Variants in NELL2 observed in about 807,000 individuals in gnomAD.
NELL2 encodes the protein neural EGFL like 2.
In NELL2, 41 loss-of-function variants were observed where a neutral mutation model predicts 109.6. The ratio of observed to expected loss-of-function variants is 0.37; its 90% CI spans 0.29 to 0.49. The LOEUF is 0.49. Among genes scored for constraint, NELL2 ranks in the 20% least tolerant of loss-of-function variants. NELL2 has a pLI of 0.98. For synonymous variants in NELL2, 355 were observed against 344.7 expected, an observed-to-expected ratio of 1.03 and a Z score of -0.33; for missense variants, 900 against 1,008.3, an observed-to-expected ratio of 0.89 and a Z score of 1.45.
intron 3 of NELL2, among the ~76,000 whole-genome samples, chr12:44,788,808 G>A (rs1753808667): frequency 6.6e-6 from 1 of 152,118 alleles, no homozygotes; most frequent in South Asian, 2.1e-4. Context: ...ACAGACTCGG[G>A]GCTGTTGGGG....
chr12:44,846,054 T>C (rs1401844165), intron 2 of NELL2, among the ~76,000 whole-genome samples: 1 of 152,176 alleles, frequency 6.6e-6, no homozygotes, highest in African/African-American at 2.4e-5. Flanking sequence ...ACTTGGAACA[T>C]TTACACCAGG....
chr12:44,670,785 A>G, intron 12 of NELL2, among the ~76,000 whole-genome samples: 1 of 152,086 alleles, frequency 6.6e-6, no homozygotes, highest in East Asian at 1.9e-4. Context: ...CTAACACAAG[A>G]GCACCCAGTT....
At chr12:44,771,171 C>A (rs1316901554) in intron 9 of NELL2, among the ~76,000 whole-genome samples, 3 of 151,940 alleles carry the variant, frequency 2.0e-5, no homozygotes, top group African/African-American at 7.3e-5. Flanking sequence ...TAGTTGAGAG[C>A]CTGAGACCGG....
Position 44,607,248 on chromosome 12 carries a change from G to A in NELL2, c.1584C>T (p.Gly528=), listed in dbSNP as rs1189433055. 2 of 1,611,900 alleles carry A rather than the reference G, an allele frequency of 1.2e-6. No individual in the cohort carries two copies. Among genetic ancestry groups the A allele is most frequent in the Admixed American group, 1.7e-5 (1 of 59,716 alleles). The part of the protein sequence containing the change: ...GTTCKAFCKD[G]CRNGGACIAA... ...CAATACAGGCTCCTCCATTCCTACA[G>A]CCATCTTTGCAAAATGCTAAAATAA... Residue 528 remains glycine, a synonymous_variant, in exon 15 of 20, where the codon GGC becomes GGT. Coordinates refer to ENST00000429094, the MANE Select transcript of NELL2 (RefSeq NM_001145108.2).
At chr12:44,623,033 T>G (rs192645972) in intron 13 of NELL2, among the ~76,000 whole-genome samples, 20 of 152,296 alleles carry the variant, frequency 1.3e-4, no homozygotes, top group Admixed American at 1.2e-3. Flanking sequence ...GCTAATATCT[T>G]TAAAGGTCTT....
At chr12:44,901,274 C>T (rs1467354573) in intron 1 of NELL2, among the ~76,000 whole-genome samples, 3 of 152,304 alleles carry the variant, frequency 2.0e-5, no homozygotes, top group Middle Eastern at 6.8e-3. Context: ...ATAAATACAT[C>T]TACACAAATA....
At chr12:44,600,407 T>G (rs1945175180) in intron 15 of NELL2, among the ~76,000 whole-genome samples, 1 of 151,658 alleles carries the variant, frequency 6.6e-6, no homozygotes, top group African/African-American at 2.4e-5. Flanking sequence ...ATGAAACAAA[T>G]AAGGGAGGAA....
chr12:44,901,562 A>C (rs1481710092), intron 1 of NELL2, among the ~76,000 whole-genome samples: 1 of 152,218 alleles, frequency 6.6e-6, no homozygotes, highest in Non-Finnish European at 1.5e-5. Context: ...GGCCAGCCTC[A>C]TCCTGGTACC....
chr12:44,544,396 C>T (rs1302264243), intron 15 of NELL2, among the ~76,000 whole-genome samples: 1 of 152,062 alleles, frequency 6.6e-6, no homozygotes, highest in East Asian at 1.9e-4. Flanking sequence ...GAGAATTAAA[C>T]CCTAACACAC....
At chr12:44,627,429 C>CA (rs200944318) in intron 13 of NELL2, among the ~76,000 whole-genome samples, 13,572 of 139,620 alleles carry the variant, frequency 0.097, 661 homozygotes, top group Non-Finnish European at 0.12. Flanking sequence ...GCAGATGTAC[C>CA]AAAAAAAAAA....
intron 15 of NELL2, among the ~76,000 whole-genome samples, chr12:44,603,696 C>T (rs557532281): frequency 7.9e-5 from 12 of 152,176 alleles, no homozygotes; most frequent in African/African-American, 2.9e-4. Flanking sequence ...TAATTTCGCT[C>T]AGTAAAAATC....
chr12:44,767,667 C>T (rs1297549378), intron 9 of NELL2, among the ~76,000 whole-genome samples: 5 of 152,024 alleles, frequency 3.3e-5, no homozygotes, highest in African/African-American at 7.2e-5. Flanking sequence ...AAATAATAAA[C>T]TATATAGTGG....
intron 9 of NELL2, among the ~76,000 whole-genome samples, chr12:44,761,300 G>C (rs922634974): frequency 6.6e-6 from 1 of 152,138 alleles, no homozygotes; most frequent in Non-Finnish European, 1.5e-5. Context: ...CCCGGGAGGC[G>C]GAGGTTGCGG....
rs201828924 is a variant in NELL2, at chr12:44,685,483, C to T, written c.1318+18243G>A. ...TGATATTAGCTGGTTATTTTGCTCG[C>T]TAGTTGATGCAGTTTCTTCCTAGTC... On this transcript the variant is annotated intron_variant, in intron 12 of 19. Transcript: ENST00000429094. 1.0e-3 allele frequency among the ~76,000 whole-genome samples: 152 copies of T among 151,864 alleles called. 5 individuals are homozygous for T. In the East Asian group the frequency reaches 0.027, roughly 27 times the overall value.
intron 12 of NELL2, among the ~76,000 whole-genome samples, chr12:44,671,862 T>C (rs565180806): frequency 6.6e-6 from 1 of 152,304 alleles, no homozygotes; most frequent in South Asian, 2.1e-4. Context: ...AGGAGTCCCC[T>C]GGGCTTAAGC....
intron 13 of NELL2, among the ~76,000 whole-genome samples, chr12:44,616,560 T>A (rs540383413): frequency 6.6e-6 from 1 of 152,254 alleles, no homozygotes; most frequent in South Asian, 2.1e-4. Flanking sequence ...GAGAAGCCCA[T>A]AAAAGAGGTA....
intron 16 of NELL2, among the ~76,000 whole-genome samples, chr12:44,525,843 T>A (rs7300302): frequency 0.99 from 150,688 of 152,304 alleles, 74,558 homozygotes; most frequent in East Asian, 1. Flanking sequence ...CTCTTCCTGG[T>A]TCTTTTTTTG....
chr12:44,724,772 T>A, intron 9 of NELL2, among the ~76,000 whole-genome samples: 2 of 130,806 alleles, frequency 1.5e-5, no homozygotes, highest in South Asian at 2.4e-4. Flanking sequence ...TTAAAATTCA[T>A]ATGGAACCAA....
At chr12:44,568,890 T>A (rs188951940) in intron 15 of NELL2, among the ~76,000 whole-genome samples, 114 of 152,242 alleles carry the variant, frequency 7.5e-4, no homozygotes, top group Non-Finnish European at 1.3e-3. Context: ...TTTTTAAACT[T>A]TCATTTTAAG....
Sources: allele counts gnomAD v4.1 joint callset (sites outside exome capture counted in the v4.1 genomes callset), GRCh38; gene constraint gnomAD v4.1.1; transcripts MANE v1.5; gene names NCBI Gene and HGNC (gene_info 2026-07-23, HGNC 2026-07-21).